The following FIP1L1 variants were observed in gnomAD, a reference collection of about 807,000 sequenced individuals.
The protein encoded by FIP1L1 is pre-mRNA 3'-end-processing factor FIP1.
A neutral mutation model predicts 84.6 loss-of-function variants in FIP1L1; 21 were observed. The observed-to-expected ratio is 0.25, with a 90% confidence interval of 0.18 to 0.36. FIP1L1 has a LOEUF of 0.36. Ranked by LOEUF, FIP1L1 falls within the 10% of genes least tolerant of loss-of-function variation. The pLI is 1.00. For missense variants in FIP1L1, 526 were observed against 751.1 expected, an observed-to-expected ratio of 0.70 and a Z score of 3.50; for synonymous variants, 263 against 242.3, an observed-to-expected ratio of 1.09 and a Z score of -0.80.
chr4:53,434,784 A>G (rs1325441334), intron 13 of FIP1L1, among the ~76,000 whole-genome samples: 2 of 152,130 alleles, frequency 1.3e-5, no homozygotes, highest in African/African-American at 4.8e-5. Flanking sequence ...TAGTAAATTT[A>G]TGAAAGTAGT....
Position 53,399,347 on chromosome 4 carries a change from ATAAGGG to A in FIP1L1, c.706-381_706-376del, listed in dbSNP as rs1169170991. On this transcript the variant is annotated intron_variant, in intron 9 of 17. Coordinates refer to ENST00000337488, the MANE Select transcript of FIP1L1 (RefSeq NM_030917.4). ...AATGGTCACCTATTGTTTTCTTAGA[ATAAGGG>A]TGGTGAACACAGAACGGGAAAATTC... Among the ~76,000 whole-genome samples the A allele has an allele frequency of 4.6e-5, 7 of 152,360 alleles. No homozygotes were observed. The East Asian group carries it at 1.2e-3, about 25-fold the overall frequency.
intron 4 of FIP1L1, among the ~76,000 whole-genome samples, chr4:53,383,275 T>A (rs1335722033): frequency 6.6e-6 from 1 of 152,216 alleles, no homozygotes; most frequent in Non-Finnish European, 1.5e-5. Context: ...TTATTCATAG[T>A]CTTATCCTTT....
chr4:53,378,066 G>C lies in FIP1L1; in HGVS notation c.85+143G>C, dbSNP rs994334573. 265 of 683,678 alleles carry C rather than the reference G, an allele frequency of 3.9e-4. 3 individuals carry two copies. The highest frequency in any genetic ancestry group is 5.2e-4 in the Non-Finnish European group (232 of 444,130). 42.4% of individuals were successfully genotyped at this position (683,678 alleles called of 1,614,324 possible). A position where few individuals can be genotyped will look rare whatever the true frequency, so the allele number is the denominator to read the frequency against. On this transcript the variant is annotated intron_variant, in intron 1 of 17. Transcript: ENST00000337488. ...GTCCGGCCTGACTTAGGCCGAGCGCGGCGTGCGCGTGCCCCCAGTCCCCGC... is the reference window on the plus strand; with the variant it reads ...GTCCGGCCTGACTTAGGCCGAGCGCCGCGTGCGCGTGCCCCCAGTCCCCGC...
intron 10 of FIP1L1, among the ~76,000 whole-genome samples, chr4:53,408,506 G>T (rs1188800378): frequency 6.6e-6 from 1 of 152,052 alleles, no homozygotes; most frequent in Non-Finnish European, 1.5e-5. Flanking sequence ...TATCTTTGTG[G>T]CGTTCTCTGT....
At chr4:53,391,760 A>G (rs1358390868) in intron 9 of FIP1L1, among the ~76,000 whole-genome samples, 2 of 152,182 alleles carry the variant, frequency 1.3e-5, no homozygotes, top group South Asian at 2.1e-4. Flanking sequence ...GTCGTAATAC[A>G]TGTTTGTAGG....
intron 5 of FIP1L1, among the ~76,000 whole-genome samples, chr4:53,388,041 T>A (rs1360996704): frequency 2.0e-5 from 3 of 152,246 alleles, no homozygotes; most frequent in Admixed American, 2.0e-4. Flanking sequence ...TTGGTCCACT[T>A]TGTAATTTTT....
intron 10 of FIP1L1, among the ~76,000 whole-genome samples, chr4:53,411,499 G>A (rs534160559): frequency 3.9e-5 from 6 of 151,944 alleles, no homozygotes; most frequent in Admixed American, 2.6e-4. Context: ...TGTTTTATTC[G>A]TTATATTTAT....
Position 53,459,296 on chromosome 4 carries a change from T to TTTC in FIP1L1, c.1638-5_1638-4insTCT, listed in dbSNP as rs1468787409. 5 of 1,504,846 alleles carry TTTC rather than the reference T, an allele frequency of 3.3e-6. No individual in the cohort carries two copies. The African/African-American group carries it at 7.2e-5, about 22-fold the overall frequency. 93.2% of individuals were successfully genotyped at this position (1,504,846 alleles called of 1,614,324 possible). ...ACACACCTTTTTTTTTTTTTTTTTT[T>TTTC]TCCAGTAATAGTAGACGTCGCCATG... On this transcript the variant is annotated splice_region_variant and splice_polypyrimidine_tract_variant and intron_variant, in intron 17 of 17. Coordinates refer to ENST00000337488, the MANE Select transcript of FIP1L1 (RefSeq NM_030917.4).
chr4:53,390,483 C>T, intron 6 of FIP1L1, 38 bp from the exon 7 acceptor site: 2 of 1,348,346 alleles, frequency 1.5e-6, no homozygotes, highest in Non-Finnish European at 2.1e-6. Context: ...TGGCTTCTTG[C>T]AAGTATAGCT....
intron 5 of FIP1L1, among the ~76,000 whole-genome samples, chr4:53,385,533 G>A (rs182967813): frequency 2.9e-4 from 44 of 152,182 alleles, no homozygotes; most frequent in African/African-American, 1.0e-3. Context: ...GTGATTTATG[G>A]AGTTTTCTAT....
chr4:53,441,586 C>G (rs1175896592), intron 13 of FIP1L1, among the ~76,000 whole-genome samples: 1 of 151,932 alleles, frequency 6.6e-6, no homozygotes, highest in Non-Finnish European at 1.5e-5. Context: ...GATCCTAACA[C>G]TGGATACAGT....
At chr4:53,410,683 A>G (rs377682805) in intron 10 of FIP1L1, among the ~76,000 whole-genome samples, 1 of 152,358 alleles carries the variant, frequency 6.6e-6, no homozygotes, top group East Asian at 1.9e-4. Context: ...ATGCCCATTA[A>G]CATGATGTGT....
In FIP1L1 at chr4:53,377,697, C is replaced by T. The variant is rs1735289243; in HGVS notation, c.-142C>T. 2 of 707,036 alleles carry T rather than the reference C, an allele frequency of 2.8e-6. No homozygotes were observed. The highest frequency in any genetic ancestry group is 2.2e-6 in the Non-Finnish European group (1 of 455,704). The allele number at this position is 707,036 out of a possible 1,614,324, so 43.8% of individuals were successfully genotyped here. ...TTCATCTTTGCCGCCGCTGCCGTCGCCTTCCTGGGATTGGAGTCTCGAGCT... is the reference window on the plus strand; with the variant it reads ...TTCATCTTTGCCGCCGCTGCCGTCGTCTTCCTGGGATTGGAGTCTCGAGCT... On this transcript the variant is annotated 5_prime_UTR_variant, in exon 1 of 18. Coordinates refer to ENST00000337488, the MANE Select transcript of FIP1L1 (RefSeq NM_030917.4).
chr4:53,453,235 GC>G (rs1290504951), intron 16 of FIP1L1, 102 bp downstream of exon 16: 6 of 1,350,744 alleles, frequency 4.4e-6, no homozygotes, highest in Non-Finnish European at 6.2e-6. Context: ...GAAAAGAGAT[GC>G]TCAGGGAGTA....
At chr4:53,398,375 A>G (rs1395585931) in intron 9 of FIP1L1, among the ~76,000 whole-genome samples, 3 of 152,212 alleles carry the variant, frequency 2.0e-5, no homozygotes, top group African/African-American at 7.2e-5. Flanking sequence ...GAGAGTATCA[A>G]TTAGAGATTG....
chr4:53,401,401 T>C (rs1750187081), intron 10 of FIP1L1, among the ~76,000 whole-genome samples: 1 of 152,176 alleles, frequency 6.6e-6, no homozygotes, highest in African/African-American at 2.4e-5. Flanking sequence ...CTGATTTAGG[T>C]TTGTAAAGTT....
chr4:53,380,095 T>G (rs977562738), intron 3 of FIP1L1, among the ~76,000 whole-genome samples: 6 of 152,208 alleles, frequency 3.9e-5, no homozygotes, highest in Non-Finnish European at 5.9e-5. Flanking sequence ...CCTGGCCATT[T>G]TCTCAAATGG....
Position 53,414,801 on chromosome 4 carries a change from A to C in FIP1L1, c.923+79A>C, listed in dbSNP as rs75288043. 6.0e-3 allele frequency: 5,594 copies of C among 925,552 alleles called. 22 individuals are homozygous for C. The highest frequency in any genetic ancestry group is 7.9e-3 in the Non-Finnish European group (4,716 of 598,066). The allele number at this position is 925,552 out of a possible 1,614,324, so 57.3% of individuals were successfully genotyped here. On this transcript the variant is annotated intron_variant, in intron 11 of 17. Coordinates refer to ENST00000337488, the MANE Select transcript of FIP1L1 (RefSeq NM_030917.4). ...GTTATGCCTTATTAGTAAGATAATA[A>C]ATTTTGACTGTACCATATTTTTACC...
At chr4:53,457,302 C>G (rs1339865694) in intron 16 of FIP1L1, among the ~76,000 whole-genome samples, 1 of 152,122 alleles carries the variant, frequency 6.6e-6, no homozygotes, top group Non-Finnish European at 1.5e-5. Context: ...TTCTGCTCCT[C>G]TCTACTGACT....
Sources: gnomAD v4.1 joint callset for allele counts (sites outside exome capture counted in the v4.1 genomes callset) on GRCh38, gnomAD v4.1.1 for gene constraint, MANE v1.5 for transcripts, NCBI Gene and HGNC (gene_info 2026-07-23, HGNC 2026-07-21) for gene names.